TTC6: variants seen among roughly 807,000 people sequenced by gnomAD.
TTC6 encodes tetratricopeptide repeat protein 6.
A neutral mutation model predicts 210.4 loss-of-function variants in TTC6; 172 were observed. The ratio of observed to expected loss-of-function variants is 0.82; its 90% CI spans 0.72 to 0.93. TTC6 has a LOEUF of 0.93. TTC6 is among the 40% of genes least tolerant of loss of function. The probability of loss-of-function intolerance (pLI) is 0.00; values close to 1 mark genes in which losing one functional copy is unlikely to be tolerated. For missense variants in TTC6, 2,414 were observed against 2,318.1 expected (o/e 1.04, Z -0.85); for synonymous variants, 804 against 819.6 (o/e 0.98, Z 0.32).
At chr14:37,758,325 G>C (rs530169404) in intron 14 of TTC6, among the ~76,000 whole-genome samples, 1 of 152,296 alleles carries the variant, frequency 6.6e-6, no homozygotes, top group East Asian at 1.9e-4. Context: ...AAGTCACTTT[G>C]TAGGTCTCTA....
chr14:37,777,348 GTCT>G (rs1424523009), intron 14 of TTC6, among the ~76,000 whole-genome samples: 4 of 94,534 alleles, frequency 4.2e-5, no homozygotes, highest in Non-Finnish European at 9.9e-5. Flanking sequence ...CAGGGAACTG[GTCT>G]TTGAACTCTA....
chr14:37,730,249 A>T (rs2095882527), intron 7 of TTC6, among the ~76,000 whole-genome samples: 1 of 152,198 alleles, frequency 6.6e-6, no homozygotes, highest in African/African-American at 2.4e-5. Context: ...TTCACCTGTT[A>T]TTCCTTCTCT....
intron 1 of TTC6, among the ~76,000 whole-genome samples, chr14:37,640,795 G>A (rs1473583536): frequency 1.3e-5 from 2 of 152,100 alleles, no homozygotes; most frequent in Admixed American, 6.6e-5. Context: ...TAACTGCTTC[G>A]GCCTCCCAAA....
At chr14:37,651,403 ATATATATATATATATATATATATTTTT>A (rs2095711198) in intron 1 of TTC6, among the ~76,000 whole-genome samples, 1 of 14,346 alleles carries the variant, frequency 7.0e-5, no homozygotes, top group African/African-American at 3.8e-4. Flanking sequence ...ATATATATAT[ATATATATATATATATATATATATTTTT>A]TTTTTTTTTT....
chr14:37,614,744 C>A (rs76818557), intron 2 of TTC6, among the ~76,000 whole-genome samples: 29,428 of 151,558 alleles, frequency 0.19, 3,225 homozygotes, highest in South Asian at 0.27. Context: ...TTAAATTAAT[C>A]AATTAATTAA....
intron 1 of TTC6, among the ~76,000 whole-genome samples, chr14:37,672,963 T>C (rs1201825764): frequency 6.6e-6 from 1 of 152,052 alleles, no homozygotes; most frequent in East Asian, 1.9e-4. Flanking sequence ...TTTGAACAGG[T>C]TTAAGTAATG....
chr14:37,626,879 C>T (rs2095661311), intron 1 of TTC6, among the ~76,000 whole-genome samples: 1 of 152,206 alleles, frequency 6.6e-6, no homozygotes, highest in East Asian at 1.9e-4. Context: ...GCCACTCCCA[C>T]CCCACCACTC....
chr14:37,607,086 C>T (rs1691824808), intron 2 of TTC6, among the ~76,000 whole-genome samples: 1 of 152,166 alleles, frequency 6.6e-6, no homozygotes, highest in South Asian at 2.1e-4. Context: ...TGGCTCTGAC[C>T]TCAAACTCAG....
chr14:37,625,900 A>G (rs2095659485), intron 1 of TTC6, among the ~76,000 whole-genome samples: 1 of 152,184 alleles, frequency 6.6e-6, no homozygotes, highest in African/African-American at 2.4e-5. Flanking sequence ...TAGCTGTCAA[A>G]TGTCAGACAT....
At chr14:37,820,988 T>G (rs1440520188) in intron 26 of TTC6, among the ~76,000 whole-genome samples, 1 of 139,918 alleles carries the variant, frequency 7.1e-6, no homozygotes. Flanking sequence ...CTCTTCATCC[T>G]GTTCCTCTTC....
At chr14:37,744,301 G>A (rs1175195506) in intron 10 of TTC6, among the ~76,000 whole-genome samples, 1 of 152,226 alleles carries the variant, frequency 6.6e-6, no homozygotes, top group Non-Finnish European at 1.5e-5. Flanking sequence ...ATTGTAGTGG[G>A]AGAGAGTGGA....
At chr14:37,647,368 G>A (rs1375216833) in intron 1 of TTC6, among the ~76,000 whole-genome samples, 2 of 152,326 alleles carry the variant, frequency 1.3e-5, no homozygotes, top group African/African-American at 4.8e-5. Context: ...GATGATGGTG[G>A]CTTGGGCCAA....
Position 37,762,446 on chromosome 14 carries a change from G to A in TTC6, c.3266+9211G>A, listed in dbSNP as rs534032805. Among the ~76,000 whole-genome samples the A allele has an allele frequency of 3.9e-5, 6 of 152,278 alleles. 1 individual carries two copies. In the South Asian group the frequency reaches 1.2e-3, roughly 32 times the overall value. Reference sequence around the variant, plus strand: ...ATTAACTTAAAATCCCACCAACAGTGTACAAGAGTTCCCTTTTCTCAAAAT... The same window carrying A: ...ATTAACTTAAAATCCCACCAACAGTATACAAGAGTTCCCTTTTCTCAAAAT... On this transcript the variant is annotated intron_variant, in intron 14 of 30. Coordinates refer to ENST00000553443, the Ensembl canonical transcript of TTC6.
intron 1 of TTC6, among the ~76,000 whole-genome samples, chr14:37,655,831 G>T (rs1046542443): frequency 3.3e-5 from 5 of 151,422 alleles, no homozygotes; most frequent in Non-Finnish European, 7.4e-5. Flanking sequence ...ACAATTGAAG[G>T]CTACACATCT....
intron 25 of TTC6, among the ~76,000 whole-genome samples, chr14:37,815,408 T>G (rs2096139146): frequency 6.6e-6 from 1 of 152,128 alleles, no homozygotes; most frequent in African/African-American, 2.4e-5. Context: ...GGGCACTGGA[T>G]TCTCATAAGG....
chr14:37,802,195 A>G (rs1423670276), intron 20 of TTC6: 2 of 152,154 alleles, frequency 1.3e-5, no homozygotes, highest in Non-Finnish European at 2.9e-5. Context: ...ATGAGAACAC[A>G]TGGACACAAG....
intron 1 of TTC6, among the ~76,000 whole-genome samples, chr14:37,676,417 G>T (rs1389420881): frequency 6.6e-6 from 1 of 151,352 alleles, no homozygotes; most frequent in African/African-American, 2.4e-5. Context: ...AATTTTTTTT[G>T]GTCTTTTTGT....
chr14:37,792,214 G>A, intron 16 of TTC6, 50 bp from the exon 19 acceptor site: 2 of 1,350,768 alleles, frequency 1.5e-6, no homozygotes, highest in African/African-American at 1.5e-5. Flanking sequence ...GAGAACATTT[G>A]GAATAATTAA....
chr14:37,807,299 T>TCC (rs1491323740), intron 22 of TTC6, 21 bp from the exon 25 acceptor site: 1 of 1,087,584 alleles, frequency 9.2e-7, no homozygotes, highest in East Asian at 3.7e-5. Context: ...ATTCCTGCTT[T>TCC]CTCTCTCTCT....
Sources: gnomAD v4.1 joint callset for allele counts (sites outside exome capture counted in the v4.1 genomes callset) on GRCh38, gnomAD v4.1.1 for gene constraint, MANE v1.5 for transcripts, NCBI Gene and HGNC (gene_info 2026-07-23, HGNC 2026-07-21) for gene names.